Variants in CRTAC1 observed in about 807,000 individuals in gnomAD.
CRTAC1 encodes acidic secreted protein in cartilage.
CRTAC1 carries 37 observed loss-of-function variants against 67.8 expected under a neutral mutation model. The ratio of observed to expected loss-of-function variants is 0.55; its 90% CI spans 0.42 to 0.72. The LOEUF is 0.72. CRTAC1 is among the 30% of genes least tolerant of loss of function. CRTAC1 has a pLI of 0.00. For synonymous variants in CRTAC1, 348 were observed against 371.0 expected (o/e 0.94, Z 0.71); for missense variants, 780 against 931.6 (o/e 0.84, Z 2.12).
chr10:97,876,332 G>C (rs145946828), intron 14 of CRTAC1, among the ~76,000 whole-genome samples: 1 of 152,122 alleles, frequency 6.6e-6, no homozygotes, highest in Non-Finnish European at 1.5e-5. Flanking sequence ...AGGATTAAAC[G>C]AGTTGATTAT....
At chr10:97,918,696 C>T (rs1471985473) in intron 4 of CRTAC1, among the ~76,000 whole-genome samples, 1 of 152,222 alleles carries the variant, frequency 6.6e-6, no homozygotes, top group Non-Finnish European at 1.5e-5. Context: ...GTCCTCTTTC[C>T]TTGCTTCAAT....
chr10:97,950,241 A>AGAGAGAGAGG (rs1255225388), intron 2 of CRTAC1, among the ~76,000 whole-genome samples: 15 of 117,306 alleles, frequency 1.3e-4, no homozygotes, highest in African/African-American at 5.1e-4. Flanking sequence ...GTGCACACAC[A>AGAGAGAGAGG]CACACAGAGA....
chr10:97,880,566 G>A (rs1394146514), intron 13 of CRTAC1, among the ~76,000 whole-genome samples, 174 bp from the exon 14 acceptor site: 1 of 152,142 alleles, frequency 6.6e-6, no homozygotes, highest in Non-Finnish European at 1.5e-5. Context: ...CTACATGCTG[G>A]GGGCAGGGGG....
intron 1 of CRTAC1, among the ~76,000 whole-genome samples, chr10:98,022,878 TG>T: frequency 6.6e-6 from 1 of 152,182 alleles, no homozygotes; most frequent in Non-Finnish European, 1.5e-5. Context: ...TTGAACATCC[TG>T]GGGCCAGGGG....
chr10:97,911,574 TG>T (rs2050688619), intron 5 of CRTAC1, among the ~76,000 whole-genome samples: 1 of 151,360 alleles, frequency 6.6e-6, no homozygotes, highest in Admixed American at 6.6e-5. Flanking sequence ...AGCTTTACAA[TG>T]GGGGCCCAAC....
chr10:98,021,954 T>A (rs570188931), intron 1 of CRTAC1, among the ~76,000 whole-genome samples: 3 of 152,356 alleles, frequency 2.0e-5, no homozygotes, highest in Non-Finnish European at 4.4e-5. Context: ...AGAAGATGCC[T>A]ATGGGCCACG....
chr10:97,924,788 G>A lies in CRTAC1; in HGVS notation c.422-1388C>T, dbSNP rs2050889835. On this transcript the variant is annotated intron_variant, in intron 3 of 14. Coordinates refer to ENST00000370597, the MANE Select transcript of CRTAC1 (RefSeq NM_018058.7). Reference sequence around the variant, plus strand: ...GAACTACTTTCCAAGGTTCTTTAGAGACATCAGCCCTGCACTGCAGGGGTT... The same window carrying A: ...GAACTACTTTCCAAGGTTCTTTAGAAACATCAGCCCTGCACTGCAGGGGTT... Among the ~76,000 whole-genome samples the A allele has an allele frequency of 2.0e-5, 3 of 152,218 alleles. No individual in the cohort carries two copies. In the South Asian group the frequency reaches 6.2e-4, roughly 32 times the overall value.
intron 3 of CRTAC1, among the ~76,000 whole-genome samples, chr10:97,931,336 A>G (rs913200504): frequency 6.6e-5 from 10 of 152,252 alleles, no homozygotes; most frequent in Admixed American, 1.3e-4. Context: ...TTCTATTTCT[A>G]TGAACTCACA....
chr10:97,955,344 T>C (rs534688309), intron 2 of CRTAC1, among the ~76,000 whole-genome samples: 1 of 152,368 alleles, frequency 6.6e-6, no homozygotes, highest in East Asian at 1.9e-4. Flanking sequence ...ATCTGATTTC[T>C]ATGTTAGGAT....
chr10:98,014,548 T>C (rs1254170703), intron 1 of CRTAC1, among the ~76,000 whole-genome samples: 1 of 152,134 alleles, frequency 6.6e-6, no homozygotes, highest in African/African-American at 2.4e-5. Context: ...GGAGAAAATA[T>C]TTGCAAATCA....
At chr10:97,891,060 G>C (rs933044501) in intron 11 of CRTAC1, among the ~76,000 whole-genome samples, 2 of 152,100 alleles carry the variant, frequency 1.3e-5, no homozygotes, top group African/African-American at 4.8e-5. Flanking sequence ...CCTTCTACTG[G>C]AACGTAGATG....
At chr10:97,964,469 G>A (rs922629043) in intron 2 of CRTAC1, among the ~76,000 whole-genome samples, 9 of 152,220 alleles carry the variant, frequency 5.9e-5, no homozygotes, top group African/African-American at 2.2e-4. Context: ...TAAAAAGATT[G>A]AGGTGGGGTG....
rs780716192 is a variant in CRTAC1 at position 97,884,295 on chromosome 10, G to A, written c.1543C>T (p.Arg515Trp). 8.4e-6 allele frequency: 13 copies of A among 1,554,524 alleles called. No homozygotes were observed. The highest frequency in any genetic ancestry group is 3.6e-5 in the South Asian group (3 of 84,274). ...VTWPDGKMVS[R>W]NVASGEMNSV... ...TTCATCTCCCCGCTGGCCACGTTCC[G>A]GCTCACCATCTTGCCATCTGGCCAC... Residue 515 changes from arginine (R) to tryptophan (W), a missense_variant, in exon 12 of 15, where the codon CGG becomes TGG. Arg to Trp is a moderately radical substitution (Grantham distance 101). Transcript: ENST00000370597.
intron 5 of CRTAC1, among the ~76,000 whole-genome samples, chr10:97,914,346 C>T (rs1448414455): frequency 6.6e-6 from 1 of 152,214 alleles, no homozygotes; most frequent in Non-Finnish European, 1.5e-5. Context: ...TGGCATCGCT[C>T]TGGCAGAGCC....
intron 2 of CRTAC1, among the ~76,000 whole-genome samples, chr10:97,972,853 G>A (rs1028139330): frequency 4.6e-5 from 7 of 152,264 alleles, no homozygotes; most frequent in Middle Eastern, 3.4e-3. Flanking sequence ...AAAAAACAAC[G>A]TAGCCTTATT....
intron 2 of CRTAC1, among the ~76,000 whole-genome samples, chr10:97,959,912 C>T (rs2051499346): frequency 6.6e-6 from 1 of 152,236 alleles, no homozygotes; most frequent in South Asian, 2.1e-4. Flanking sequence ...GTTGTGACAA[C>T]ATGTGTGAAA....
At chr10:97,912,631 G>C (rs938774496) in intron 5 of CRTAC1, among the ~76,000 whole-genome samples, 1 of 152,196 alleles carries the variant, frequency 6.6e-6, no homozygotes, top group African/African-American at 2.4e-5. Context: ...ATGGTGGGGA[G>C]GGAGGGTGTG....
intron 2 of CRTAC1, among the ~76,000 whole-genome samples, chr10:97,961,907 T>C (rs117331639): frequency 0.012 from 1,867 of 152,342 alleles, 18 homozygotes; most frequent in Middle Eastern, 0.031. Flanking sequence ...CGTCTAATTT[T>C]AACAGTAACT....
At chr10:97,977,388 C>T (rs1467503819) in intron 2 of CRTAC1, among the ~76,000 whole-genome samples, 1 of 152,210 alleles carries the variant, frequency 6.6e-6, no homozygotes, top group Non-Finnish European at 1.5e-5. Flanking sequence ...ATAATTGCAT[C>T]TCAGCGGGTT....
Sources: allele counts gnomAD v4.1 joint callset (sites outside exome capture counted in the v4.1 genomes callset), GRCh38; gene constraint gnomAD v4.1.1; transcripts MANE v1.5; gene names NCBI Gene and HGNC (gene_info 2026-07-23, HGNC 2026-07-21).